Variants in FAT3 observed in about 807,000 individuals in gnomAD.
FAT3 encodes the protein FAT atypical cadherin 3.
FAT3 carries 95 observed loss-of-function variants against 310.2 expected under a neutral mutation model. That is an observed-to-expected ratio of 0.31 (90% confidence interval 0.26 to 0.36). The LOEUF (loss-of-function observed/expected upper bound fraction) is 0.36, where lower values mean the gene tolerates loss of function less well. Among genes scored for constraint, FAT3 ranks in the 10% least tolerant of loss-of-function variants. The pLI is 1.00. For synonymous variants in FAT3, 2,314 were observed against 2,192.9 expected, an observed-to-expected ratio of 1.06 and a Z score of -1.54; for missense variants, 5,408 against 5,715.6, an observed-to-expected ratio of 0.95 and a Z score of 1.74.
At chr11:92,357,137 C>T (rs914903379) in intron 2 of FAT3, among the ~76,000 whole-genome samples, 2 of 152,130 alleles carry the variant, frequency 1.3e-5, no homozygotes, top group African/African-American at 4.8e-5. Flanking sequence ...TACTGAGTGC[C>T]TACTCTGTAC....
chr11:92,571,659 T>C (rs1023597816), intron 3 of FAT3, among the ~76,000 whole-genome samples: 15 of 152,362 alleles, frequency 9.8e-5, no homozygotes, highest in African/African-American at 3.1e-4. Flanking sequence ...TGCATAGGTC[T>C]GGTAAGACTC....
chr11:92,796,570 A>C (rs1244154163), intron 9 of FAT3, among the ~76,000 whole-genome samples: 1 of 152,194 alleles, frequency 6.6e-6, no homozygotes, highest in Non-Finnish European at 1.5e-5. Flanking sequence ...TTATATACCT[A>C]TCATACTACA....
intron 2 of FAT3, chr11:92,366,694 A>G: frequency 5.6e-6 from 3 of 535,924 alleles, no homozygotes; most frequent in East Asian, 5.3e-5. Flanking sequence ...GGCTGTTTCC[A>G]TGGGCTGCAA....
At chr11:92,642,987 T>C (rs758077780) in intron 3 of FAT3, among the ~76,000 whole-genome samples, 2 of 152,206 alleles carry the variant, frequency 1.3e-5, no homozygotes, top group Non-Finnish European at 2.9e-5. Context: ...TGAGGTAATA[T>C]GAATGAATAA....
intron 1 of FAT3, among the ~76,000 whole-genome samples, chr11:92,250,377 TTATAA>T (rs1214067178): frequency 6.6e-6 from 1 of 152,146 alleles, no homozygotes; most frequent in Non-Finnish European, 1.5e-5. Flanking sequence ...AGCATTTTTA[TTATAA>T]TATAAACCAG....
chr11:92,419,091 C>T (rs1039492032), intron 2 of FAT3, among the ~76,000 whole-genome samples: 1 of 152,290 alleles, frequency 6.6e-6, no homozygotes, highest in South Asian at 2.1e-4. Context: ...TGAGTGAAAG[C>T]TCTTGGGCAC....
Position 92,866,900 on chromosome 11 carries a change from C to T in FAT3, c.11818C>T (p.Arg3940Trp). ...GTCCCTGGATGACAGCTACGTGGAG[C>T]GGCGCCGGGCGCCCCTCTACTTCCA... ...SLSLDDSYVERRRAPLYFQTL... is the reference protein window; with the variant it reads ...SLSLDDSYVEWRRAPLYFQTL... The change falls in exon 22 of 28, where the codon CGG becomes TGG. Residue 3940 changes from arginine to tryptophan, a missense_variant. Physicochemically the swap from Arg to Trp is moderately radical, Grantham distance 101 (BLOSUM62 -3). Transcript: ENST00000525166. The T allele has an allele frequency of 6.2e-7, 1 of 1,613,930 alleles. No homozygotes were observed. Among genetic ancestry groups the T allele is most frequent in the South Asian group, 1.1e-5 (1 of 91,068 alleles).
chr11:92,825,633 G>C (rs12294504), intron 13 of FAT3, among the ~76,000 whole-genome samples: 2,055 of 152,206 alleles, frequency 0.014, 51 homozygotes, highest in African/African-American at 0.046. Flanking sequence ...AATGACACTG[G>C]AAAGGGGGGT....
At chr11:92,781,225 G>A (rs1946744574) in intron 7 of FAT3, among the ~76,000 whole-genome samples, 1 of 151,578 alleles carries the variant, frequency 6.6e-6, no homozygotes, top group Non-Finnish European at 1.5e-5. Flanking sequence ...TGGGACTACA[G>A]GTGCATGCCA....
intron 4 of FAT3, among the ~76,000 whole-genome samples, chr11:92,716,349 G>T (rs1369037314): frequency 6.6e-6 from 1 of 151,954 alleles, no homozygotes; most frequent in Non-Finnish European, 1.5e-5. Context: ...AAGTGAGGTG[G>T]TCATCCTGCT....
Position 92,588,231 on chromosome 11 carries a change from T to C in FAT3, c.3607+63283T>C, listed in dbSNP as rs571729911. On this transcript the variant is annotated intron_variant, in intron 3 of 27. Coordinates refer to ENST00000525166, the MANE Select transcript of FAT3 (RefSeq NM_001367949.2). Reference sequence around the variant, plus strand: ...GATTTTTTTTTTAGACCAACAGTGTTCCTAATGCTAGCTTCTATTGCTGCT... The same window carrying C: ...GATTTTTTTTTTAGACCAACAGTGTCCCTAATGCTAGCTTCTATTGCTGCT... Among the ~76,000 whole-genome samples the C allele has an allele frequency of 6.6e-5, 10 of 152,126 alleles. No individual in the cohort carries two copies. In the South Asian group the frequency reaches 1.9e-3, roughly 28 times the overall value.
At chr11:92,434,093 G>C (rs191999317) in intron 2 of FAT3, among the ~76,000 whole-genome samples, 84 of 152,020 alleles carry the variant, frequency 5.5e-4, no homozygotes, top group Admixed American at 1.4e-3. Context: ...GAGGAGAAGA[G>C]TGTCTCATCT....
intron 1 of FAT3, among the ~76,000 whole-genome samples, chr11:92,311,017 C>T (rs78336694): frequency 0.047 from 7,087 of 150,902 alleles, 203 homozygotes; most frequent in Non-Finnish European, 0.068. Flanking sequence ...TATATATACA[C>T]ATATATGTAT....
chr11:92,890,934 G>C lies in FAT3; in HGVS notation c.13591G>C (p.Ala4531Pro). ...MNQGTEPTGP[A>P]DSVSLSLHNS... is the part of the protein sequence containing the mutation. ...CCAGGGCACAGAGCCCACAGGCCCA[G>C]CAGACAGCGTGTCTCTGTCCTTGCA... The change falls in exon 28 of 28, where the codon GCA becomes CCA. Residue 4531 changes from alanine (A) to proline (P), a missense_variant. Coordinates refer to ENST00000525166, the MANE Select transcript of FAT3 (RefSeq NM_001367949.2). The C allele has an allele frequency of 6.2e-7, 1 of 1,614,034 alleles. No homozygotes were observed. The highest frequency in any genetic ancestry group is 1.3e-5 in the African/African-American group (1 of 75,074).
intron 2 of FAT3, among the ~76,000 whole-genome samples, chr11:92,520,225 C>T (rs992225244): frequency 4.0e-5 from 6 of 151,800 alleles, no homozygotes; most frequent in Non-Finnish European, 5.9e-5. Context: ...TGTGAGTGAA[C>T]GAAAACAGAA....
rs373942868 is a variant in FAT3 at position 92,857,362 on chromosome 11, T to A, written c.11500+14T>A. 37 of 1,613,664 alleles carry A rather than the reference T, an allele frequency of 2.3e-5. No homozygotes were observed. The African/African-American group carries it at 4.8e-4, about 21-fold the overall frequency. Reference sequence around the variant, plus strand: ...GAGAGTGCTCAGGTGCAGAGTGGAGTGGAATGATGCAGATCTAATTTCATA... The same window carrying A: ...GAGAGTGCTCAGGTGCAGAGTGGAGAGGAATGATGCAGATCTAATTTCATA... On this transcript the variant is annotated intron_variant, in intron 20 of 27. Coordinates refer to ENST00000525166, the MANE Select transcript of FAT3 (RefSeq NM_001367949.2).
chr11:92,585,485 A>C (rs1457098659), intron 3 of FAT3, among the ~76,000 whole-genome samples: 2 of 152,062 alleles, frequency 1.3e-5, no homozygotes, highest in Non-Finnish European at 2.9e-5. Flanking sequence ...GTACTAGCTT[A>C]AAAAGAGAAA....
chr11:92,384,187 T>G (rs1949566471), intron 2 of FAT3, among the ~76,000 whole-genome samples: 1 of 152,124 alleles, frequency 6.6e-6, no homozygotes, highest in Non-Finnish European at 1.5e-5. Context: ...TTGGGAGCAG[T>G]GCAGAGAGGG....
chr11:92,336,658 G>A (rs2134561813), intron 1 of FAT3, among the ~76,000 whole-genome samples: 1 of 152,206 alleles, frequency 6.6e-6, no homozygotes, highest in African/African-American at 2.4e-5. Context: ...ATATTATGAT[G>A]GCCTAGAACA....
Sources: allele counts gnomAD v4.1 joint callset (sites outside exome capture counted in the v4.1 genomes callset), GRCh38; gene constraint gnomAD v4.1.1; transcripts MANE v1.5; gene names NCBI Gene and HGNC (gene_info 2026-07-23, HGNC 2026-07-21).